Variants in E2F3 observed in about 807,000 individuals in gnomAD.
E2F3 encodes E2F transcription factor 3.
E2F3 carries 11 observed loss-of-function variants against 44.4 expected under a neutral mutation model. The observed-to-expected ratio is 0.25, with a 90% confidence interval of 0.16 to 0.41. The LOEUF (loss-of-function observed/expected upper bound fraction) is 0.41, where lower values mean the gene tolerates loss of function less well. Ranked by LOEUF, E2F3 falls within the 10% of genes least tolerant of loss-of-function variation. E2F3 has a pLI of 1.00. For synonymous variants in E2F3, 249 were observed against 253.0 expected, an observed-to-expected ratio of 0.98 and a Z score of 0.15; for missense variants, 487 against 583.6, an observed-to-expected ratio of 0.83 and a Z score of 1.70.
At position 20,492,498 on chromosome 6, in the gene E2F3, C is replaced by T. The variant is rs1762581267; in HGVS notation, c.*2068C>T. On this transcript the variant is annotated 3_prime_UTR_variant, in exon 7 of 7. Coordinates refer to ENST00000346618, the MANE Select transcript of E2F3 (RefSeq NM_001949.5). Reference sequence around the variant, plus strand: ...GTGGGGTTTTTTCCTGTATGGGAAACCATTTATGCCAAGCTTTTCCCCATT... The same window carrying T: ...GTGGGGTTTTTTCCTGTATGGGAAATCATTTATGCCAAGCTTTTCCCCATT... 4.3e-6 allele frequency: 1 copy of T among 233,238 alleles called. No homozygotes were observed. The highest frequency in any genetic ancestry group is 1.8e-4 in the South Asian group (1 of 5,524). 14.4% of individuals were successfully genotyped at this position (233,238 alleles called of 1,614,324 possible).
chr6:20,447,168 T>G (rs1473290226), intron 1 of E2F3, among the ~76,000 whole-genome samples: 1 of 152,164 alleles, frequency 6.6e-6, no homozygotes, highest in Non-Finnish European at 1.5e-5. Flanking sequence ...GTTTGTCCTG[T>G]TTAGTGTCAT....
At chr6:20,484,464 A>C (rs555890498) in intron 4 of E2F3, among the ~76,000 whole-genome samples, 4 of 152,298 alleles carry the variant, frequency 2.6e-5, no homozygotes, top group South Asian at 2.1e-4. Flanking sequence ...TTTTATTTTA[A>C]TAAGTTCTTG....
At chr6:20,454,965 G>A (rs1320957655) in intron 1 of E2F3, among the ~76,000 whole-genome samples, 1 of 152,174 alleles carries the variant, frequency 6.6e-6, no homozygotes. Flanking sequence ...TATCTCAGGG[G>A]TGGAACCCAG....
intron 1 of E2F3, among the ~76,000 whole-genome samples, chr6:20,424,401 G>A (rs966379845): frequency 1.3e-5 from 2 of 151,964 alleles, no homozygotes; most frequent in African/African-American, 4.8e-5. Flanking sequence ...GTGTGTGTGT[G>A]TGTGTGTGTA....
chr6:20,453,406 T>G (rs1761198591), intron 1 of E2F3, among the ~76,000 whole-genome samples: 1 of 151,304 alleles, frequency 6.6e-6, no homozygotes, highest in Non-Finnish European at 1.5e-5. Context: ...ATTCAAGTTT[T>G]TTGTTTTTGT....
intron 1 of E2F3, among the ~76,000 whole-genome samples, chr6:20,479,611 T>C (rs193098962): frequency 6.6e-6 from 1 of 152,352 alleles, no homozygotes; most frequent in Non-Finnish European, 1.5e-5. Context: ...ATCGCTGTGT[T>C]TGTCCATCTG....
chr6:20,461,663 C>T (rs751975604), intron 1 of E2F3, among the ~76,000 whole-genome samples: 1 of 152,034 alleles, frequency 6.6e-6, no homozygotes, highest in African/African-American at 2.4e-5. Context: ...ATGCCGTATA[C>T]ATTCTGAGGT....
At chr6:20,451,079 C>A (rs1761115513) in intron 1 of E2F3, among the ~76,000 whole-genome samples, 1 of 152,124 alleles carries the variant, frequency 6.6e-6, no homozygotes, top group Non-Finnish European at 1.5e-5. Context: ...CAGCTTTGTT[C>A]TTTTTGCTTA....
At chr6:20,463,122 G>C (rs1335973721) in intron 1 of E2F3, among the ~76,000 whole-genome samples, 1 of 152,016 alleles carries the variant, frequency 6.6e-6, no homozygotes. Context: ...GGGTCTTGCT[G>C]TTGCCCACGC....
At chr6:20,414,592 A>G (rs1206883999) in intron 1 of E2F3, among the ~76,000 whole-genome samples, 1 of 152,118 alleles carries the variant, frequency 6.6e-6, no homozygotes, top group Non-Finnish European at 1.5e-5. Context: ...TATCTCTATA[A>G]TTGACTTTTG....
At chr6:20,472,025 A>AC (rs1554140446) in intron 1 of E2F3, among the ~76,000 whole-genome samples, 15 of 138,356 alleles carry the variant, frequency 1.1e-4, no homozygotes, top group East Asian at 2.1e-4. Flanking sequence ...CCCCCCCTCC[A>AC]ACACACACAC....
rs1335416056 is a variant in E2F3 at position 20,479,887 on chromosome 6, C to T, written c.435C>T (p.Tyr145=). The T allele has an allele frequency of 6.2e-7, 1 of 1,613,004 alleles. No homozygotes were observed. The highest frequency in any genetic ancestry group is 2.2e-5 in the East Asian group (1 of 44,858). The part of the protein sequence containing the change: ...RLELGESGHQ[Y]LSDGLKTPKG... ...AGCTAGGAGAAAGCGGTCATCAGTA[C>T]CTCTCAGATGGTTTAAAAACCCCCA... The change falls in exon 2 of 7, where the codon TAC becomes TAT. Residue 145 remains tyrosine, a synonymous_variant. Coordinates refer to ENST00000346618, the MANE Select transcript of E2F3 (RefSeq NM_001949.5).
At chr6:20,483,173 G>A (rs1762287215) in intron 4 of E2F3, among the ~76,000 whole-genome samples, 1 of 152,072 alleles carries the variant, frequency 6.6e-6, no homozygotes, top group Non-Finnish European at 1.5e-5. Flanking sequence ...TACCAGGTGG[G>A]AACTGTTTTT....
intron 1 of E2F3, among the ~76,000 whole-genome samples, chr6:20,455,467 T>A (rs1241028063): frequency 6.6e-6 from 1 of 152,200 alleles, no homozygotes; most frequent in East Asian, 1.9e-4. Context: ...CAGGGAAAGC[T>A]ATGGACCTTT....
chr6:20,424,125 TA>T (rs975777942), intron 1 of E2F3, among the ~76,000 whole-genome samples: 18 of 152,182 alleles, frequency 1.2e-4, no homozygotes, highest in African/African-American at 3.9e-4. Context: ...AGGCCTTTCC[TA>T]ATCTGCAAAC....
chr6:20,469,820 G>T (rs1274313697), intron 1 of E2F3, among the ~76,000 whole-genome samples: 1 of 152,172 alleles, frequency 6.6e-6, no homozygotes, highest in East Asian at 1.9e-4. Flanking sequence ...GAGATAGTCT[G>T]GTTTGTGATT....
chr6:20,464,953 G>C (rs1050968394), intron 1 of E2F3, among the ~76,000 whole-genome samples: 3 of 152,174 alleles, frequency 2.0e-5, no homozygotes, highest in African/African-American at 7.2e-5. Context: ...TTTAGGTAAA[G>C]AGGCACAACT....
chr6:20,427,477 G>A (rs146295516), intron 1 of E2F3, among the ~76,000 whole-genome samples: 413 of 152,266 alleles, frequency 2.7e-3, no homozygotes, highest in African/African-American at 9.6e-3. Flanking sequence ...GGACCTGGCA[G>A]GTTGGGTGGG....
At chr6:20,452,586 T>C (rs1761167250) in intron 1 of E2F3, 1 of 152,212 alleles carries the variant, frequency 6.6e-6, no homozygotes, top group South Asian at 2.1e-4. Flanking sequence ...ATATACTTTA[T>C]TGATATGGTT....
Sources: gnomAD v4.1 joint callset for allele counts (sites outside exome capture counted in the v4.1 genomes callset) on GRCh38, gnomAD v4.1.1 for gene constraint, MANE v1.5 for transcripts, NCBI Gene and HGNC (gene_info 2026-07-23, HGNC 2026-07-21) for gene names.